The following FAT3 variants were observed in gnomAD, a reference collection of about 807,000 sequenced individuals.
The protein encoded by FAT3 is FAT atypical cadherin 3.
A neutral mutation model predicts 310.2 loss-of-function variants in FAT3; 95 were observed. That is an observed-to-expected ratio of 0.31 (90% CI 0.26 to 0.36). The LOEUF (loss-of-function observed/expected upper bound fraction) is 0.36. Among genes scored for constraint, FAT3 ranks in the 10% least tolerant of loss-of-function variants. The probability of loss-of-function intolerance (pLI) is 1.00; values close to 1 mark genes in which losing one functional copy is unlikely to be tolerated. For synonymous variants in FAT3, 2,314 were observed against 2,192.9 expected, an observed-to-expected ratio of 1.06 and a Z score of -1.54; for missense variants, 5,408 against 5,715.6, an observed-to-expected ratio of 0.95 and a Z score of 1.74.
chr11:92,669,886 C>G (rs1302856687), intron 3 of FAT3, among the ~76,000 whole-genome samples: 1 of 152,196 alleles, frequency 6.6e-6, no homozygotes, highest in African/African-American at 2.4e-5. Context: ...CGCTAGACAG[C>G]TGTTACTACT....
intron 13 of FAT3, among the ~76,000 whole-genome samples, chr11:92,817,120 A>G (rs1432624598): frequency 1.3e-5 from 2 of 152,176 alleles, no homozygotes; most frequent in Non-Finnish European, 2.9e-5. Flanking sequence ...GTCTCTATAC[A>G]GGAAGGGACT....
At chr11:92,885,536 T>C (rs1949776298) in intron 24 of FAT3, among the ~76,000 whole-genome samples, 1 of 152,196 alleles carries the variant, frequency 6.6e-6, no homozygotes, top group Non-Finnish European at 1.5e-5. Context: ...ATCTGCTGAT[T>C]GTCTTTCTGT....
chr11:92,751,190 T>G (rs952450525), intron 4 of FAT3, among the ~76,000 whole-genome samples: 8 of 152,206 alleles, frequency 5.3e-5, no homozygotes, highest in African/African-American at 1.9e-4. Context: ...CAGCATAATG[T>G]GATGGTTAGG....
chr11:92,368,533 G>T (rs1199162998), intron 2 of FAT3, among the ~76,000 whole-genome samples: 1 of 152,118 alleles, frequency 6.6e-6, no homozygotes, highest in African/African-American at 2.4e-5. Context: ...ATCCAGGAGA[G>T]AACTTTCATT....
intron 1 of FAT3, among the ~76,000 whole-genome samples, chr11:92,248,380 C>T (rs2212387): frequency 0.22 from 33,921 of 151,992 alleles, 3,895 homozygotes; most frequent in East Asian, 0.37. Flanking sequence ...CCTCTGCATA[C>T]TTTTCCTCCA....
At chr11:92,663,759 C>T (rs1374070037) in intron 3 of FAT3, among the ~76,000 whole-genome samples, 1 of 152,138 alleles carries the variant, frequency 6.6e-6, no homozygotes, top group Non-Finnish European at 1.5e-5. Context: ...CTCATTGCCA[C>T]CACTTTGGCT....
intron 4 of FAT3, among the ~76,000 whole-genome samples, chr11:92,715,256 A>T (rs956354020): frequency 1.3e-5 from 2 of 151,070 alleles, no homozygotes; most frequent in Non-Finnish European, 3.0e-5. Context: ...AAAAAAAAAA[A>T]AAATAGCTGG....
At chr11:92,505,473 G>A (rs748410293) in intron 2 of FAT3, among the ~76,000 whole-genome samples, 5 of 152,150 alleles carry the variant, frequency 3.3e-5, no homozygotes, top group African/African-American at 7.2e-5. Context: ...GTGCTGGTGT[G>A]CATCACTGCC....
chr11:92,286,864 C>T (rs1271345251), intron 1 of FAT3, among the ~76,000 whole-genome samples: 1 of 152,150 alleles, frequency 6.6e-6, no homozygotes, highest in Non-Finnish European at 1.5e-5. Context: ...TCATTACTCC[C>T]TCTTGAACAA....
At chr11:92,649,407 G>A (rs1942287974) in intron 3 of FAT3, among the ~76,000 whole-genome samples, 1 of 152,146 alleles carries the variant, frequency 6.6e-6, no homozygotes, top group Admixed American at 6.5e-5. Flanking sequence ...TCTGGCCTGA[G>A]TGAGGGAAAA....
intron 3 of FAT3, among the ~76,000 whole-genome samples, chr11:92,578,408 T>C (rs531409867): frequency 6.6e-6 from 1 of 152,222 alleles, no homozygotes; most frequent in East Asian, 1.9e-4. Context: ...ACCCTGTGGG[T>C]CATGTATTGT....
At chr11:92,829,089 C>A (rs1439937692) in intron 13 of FAT3, among the ~76,000 whole-genome samples, 1 of 152,132 alleles carries the variant, frequency 6.6e-6, no homozygotes, top group East Asian at 1.9e-4. Flanking sequence ...GATCTTCAGG[C>A]CTGAAAAGGA....
chr11:92,366,347 T>C (rs1310732694), intron 2 of FAT3: 1 of 238,392 alleles, frequency 4.2e-6, no homozygotes, highest in Non-Finnish European at 8.4e-6. Context: ...ATGGCTAAAA[T>C]GAAAATGGGA....
At position 92,345,640 on chromosome 11, in the gene FAT3, T is replaced by C. The variant is rs1448531459; in HGVS notation, c.-17-6456T>C. On this transcript the variant is annotated intron_variant, in intron 1 of 27. Coordinates refer to ENST00000525166, the MANE Select transcript of FAT3 (RefSeq NM_001367949.2). ...GTGGTGCTCACATTTGAATGGGGAA[T>C]CTCCAAAATAGCTTCATAGAATTGG... Among the ~76,000 whole-genome samples, 3 of 152,146 alleles carry C rather than the reference T, an allele frequency of 2.0e-5. No homozygotes were observed. The East Asian group carries it at 5.8e-4, about 29-fold the overall frequency.
At chr11:92,445,662 T>C (rs1177119274) in intron 2 of FAT3, among the ~76,000 whole-genome samples, 2 of 152,156 alleles carry the variant, frequency 1.3e-5, no homozygotes, top group African/African-American at 2.4e-5. Context: ...TTTGCATATA[T>C]GAGTGTATAT....
chr11:92,884,961 G>A (rs1048013412), intron 24 of FAT3, among the ~76,000 whole-genome samples: 2 of 152,168 alleles, frequency 1.3e-5, no homozygotes, highest in African/African-American at 2.4e-5. Context: ...GCCAGGCAAG[G>A]AGACAAACAC....
chr11:92,253,724 T>C (rs1263710383), intron 1 of FAT3, among the ~76,000 whole-genome samples: 1 of 152,142 alleles, frequency 6.6e-6, no homozygotes, highest in African/African-American at 2.4e-5. Flanking sequence ...TTAGTCAAAA[T>C]TGTGACTGTG....
chr11:92,668,299 A>G (rs1452997119), intron 3 of FAT3, among the ~76,000 whole-genome samples: 2 of 152,218 alleles, frequency 1.3e-5, no homozygotes, highest in East Asian at 3.8e-4. Context: ...TTGCAAATAC[A>G]CATCTTCAAT....
At chr11:92,829,422 C>T (rs1948182903) in intron 13 of FAT3, among the ~76,000 whole-genome samples, 2 of 152,182 alleles carry the variant, frequency 1.3e-5, no homozygotes, top group Non-Finnish European at 2.9e-5. Context: ...GATGTGTTTC[C>T]ATAAATGCAT....
Sources: allele counts gnomAD v4.1 joint callset (sites outside exome capture counted in the v4.1 genomes callset), GRCh38; gene constraint gnomAD v4.1.1; transcripts MANE v1.5; gene names NCBI Gene and HGNC (gene_info 2026-07-23, HGNC 2026-07-21).